TLE5: variants seen among roughly 807,000 people sequenced by gnomAD.
The protein encoded by TLE5 is TLE family member 5, transcriptional modulator.
TLE5 carries 7 observed loss-of-function variants against 25.8 expected under a neutral mutation model. That is an observed-to-expected ratio of 0.27 (90% CI 0.15 to 0.51). The LOEUF (loss-of-function observed/expected upper bound fraction) is 0.51. TLE5 is among the 20% of genes least tolerant of loss of function. The pLI, the probability that TLE5 is intolerant of heterozygous loss-of-function variation, is 0.97. For synonymous variants in TLE5, 132 were observed against 110.5 expected (o/e 1.20, Z -1.22); for missense variants, 149 against 250.7 (o/e 0.59, Z 2.74).
Position 3,053,586 on chromosome 19 carries a change from G to C in TLE5, c.*233C>G, listed in dbSNP as rs1599266436. On this transcript the variant is annotated 3_prime_UTR_variant, in exon 7 of 7. Transcript: ENST00000327141. ...TTAGCTTGCCTCACATGTCAGGGCA[G>C]GTATCCACCTAACCAGGCTGCAGGG... 3.4e-6 allele frequency: 2 copies of C among 590,314 alleles called. No individual in the cohort carries two copies. Among genetic ancestry groups the C allele is most frequent in the East Asian group, 5.7e-5 (2 of 35,228 alleles). The allele number at this position is 590,314 out of a possible 1,614,324, so 36.6% of individuals were successfully genotyped here. A position where few individuals can be genotyped will look rare whatever the true frequency, so the allele number is the denominator to read the frequency against.
At chr19:3,058,995 T>G (rs370398776) in intron 2 of TLE5, among the ~76,000 whole-genome samples, 1 of 151,744 alleles carries the variant, frequency 6.6e-6, no homozygotes, top group African/African-American at 2.4e-5. Context: ...CCTCGCAGGG[T>G]GGGGTGGAGA....
rs945033503 is a variant in TLE5, at chr19:3,059,226, CA to C, written c.126-1485del. On this transcript the variant is annotated intron_variant, in intron 2 of 6. Coordinates refer to ENST00000327141, the MANE Select transcript of TLE5 (RefSeq NM_001130.6). ...CTACCATTAAAAACAAAAACAAAAA[CA>C]AAAAAAAACCGGGGCTGGGTGCAGT... Among the ~76,000 whole-genome samples, 181 of 150,782 alleles carry C rather than the reference CA, an allele frequency of 1.2e-3. 1 individual carries two copies. The highest frequency in any genetic ancestry group is 4.0e-3 in the African/African-American group (166 of 41,144).
chr19:3,057,781 G>A (rs751713021), intron 2 of TLE5, 39 bp from the exon 3 acceptor site: 19 of 1,598,454 alleles, frequency 1.2e-5, no homozygotes, highest in Middle Eastern at 1.6e-4. Flanking sequence ...GGTTAGTGGC[G>A]GCTGGGCGGG....
At chr19:3,056,479 A>G in intron 3 of TLE5, 123 bp from the exon 4 acceptor site, 1 of 601,488 alleles carries the variant, frequency 1.7e-6, no homozygotes, top group Admixed American at 2.5e-5. Flanking sequence ...GAGACAGCTG[A>G]GGGCAGGAAA....
In TLE5 at chr19:3,054,585, C is replaced by A. The variant is rs557700697; in HGVS notation, c.298-391G>T. ...CACAACCTGCCCAACTGTACAGGGACGTCCTGATCCTAGGAGCTCCAAGAC... is the reference window on the plus strand; with the variant it reads ...CACAACCTGCCCAACTGTACAGGGAAGTCCTGATCCTAGGAGCTCCAAGAC... On this transcript the variant is annotated intron_variant, in intron 5 of 6. Coordinates refer to ENST00000327141, the MANE Select transcript of TLE5 (RefSeq NM_001130.6). 1.7e-5 allele frequency: 4 copies of A among 230,534 alleles called. No individual in the cohort carries two copies. In the Admixed American group the frequency reaches 2.0e-4, roughly 11 times the overall value. 14.3% of individuals were successfully genotyped at this position (230,534 alleles called of 1,614,324 possible).
At chr19:3,062,727 C>T (rs1184605304), upstream of TLE5, 1 of 1,536,950 alleles carries the variant, frequency 6.5e-7, no homozygotes, top group Non-Finnish European at 8.7e-7. Context: ...CTCGGTTTCC[C>T]CATCTGTCAA....
rs765110105 is a variant in TLE5, at chr19:3,061,517, C to T, written c.28-260G>A. The T allele has an allele frequency of 1.4e-5, 4 of 284,136 alleles. No homozygotes were observed. The Admixed American group carries it at 1.6e-4, about 11-fold the overall frequency. 17.6% of individuals were successfully genotyped at this position (284,136 alleles called of 1,614,324 possible). ...CAGTGGGGGTGCGTTTTAAGGCCCGCCCTAGATGGGGGGCAGGGTGCGCCC... is the reference window on the plus strand; with the variant it reads ...CAGTGGGGGTGCGTTTTAAGGCCCGTCCTAGATGGGGGGCAGGGTGCGCCC... On this transcript the variant is annotated intron_variant, in intron 1 of 6. Transcript: ENST00000327141.
chr19:3,062,840 G>T (rs748810315), upstream of TLE5: 17 of 1,540,184 alleles, frequency 1.1e-5, no homozygotes, highest in South Asian at 9.5e-5. Flanking sequence ...CTGGCTGGGC[G>T]GTGGTTCTTG....
chr19:3,062,229 G>A lies in TLE5; in HGVS notation c.-29C>T. 3.6e-6 allele frequency: 4 copies of A among 1,111,000 alleles called. No homozygotes were observed. The highest frequency in any genetic ancestry group is 3.3e-6 in the Non-Finnish European group (3 of 909,414). 68.8% of individuals were successfully genotyped at this position (1,111,000 alleles called of 1,614,324 possible). On this transcript the variant is annotated 5_prime_UTR_variant, in exon 1 of 7. Transcript: ENST00000327141. ...AATCGCGGCGGGGGGCGCGGGCTGCGCCCCGGCTGTGCGCCCCGGCTCGGG... is the reference window on the plus strand; with the variant it reads ...AATCGCGGCGGGGGGCGCGGGCTGCACCCCGGCTGTGCGCCCCGGCTCGGG...
chr19:3,054,856 G>A (rs2090203954), intron 5 of TLE5: 1 of 152,966 alleles, frequency 6.5e-6, no homozygotes. Flanking sequence ...GCTTTCATTG[G>A]GTCCTGCTAA....
At chr19:3,059,191 G>A (rs539207544) in intron 2 of TLE5, among the ~76,000 whole-genome samples, 1 of 152,166 alleles carries the variant, frequency 6.6e-6, no homozygotes, top group South Asian at 2.1e-4. Context: ...TTTAAAATGT[G>A]CATTTGTTGC....
intron 5 of TLE5, chr19:3,054,799 C>T (rs1363469047): frequency 6.4e-6 from 1 of 155,432 alleles, no homozygotes. Context: ...GCCTTGGCTA[C>T]CAGGAAGCCT....
At position 3,053,469 on chromosome 19, in the gene TLE5, C is replaced by T. The variant is rs912208513; in HGVS notation, c.*350G>A. The T allele has an allele frequency of 2.9e-6, 1 of 340,128 alleles. No individual in the cohort carries two copies. The allele number at this position is 340,128 out of a possible 1,614,324, so 21.1% of individuals were successfully genotyped here. A position where few individuals can be genotyped will look rare whatever the true frequency, so the allele number is the denominator to read the frequency against. Reference sequence around the variant, plus strand: ...TGTGGCCCAGGCAGACTGTCGGTTACACATGTTCAAAACGGGGGAAGGGCC... The same window carrying T: ...TGTGGCCCAGGCAGACTGTCGGTTATACATGTTCAAAACGGGGGAAGGGCC... On this transcript the variant is annotated 3_prime_UTR_variant, in exon 7 of 7. Transcript: ENST00000327141.
intron 2 of TLE5, among the ~76,000 whole-genome samples, chr19:3,059,727 C>T (rs1419736296): frequency 6.6e-6 from 1 of 152,144 alleles, no homozygotes; most frequent in Non-Finnish European, 1.5e-5. Context: ...GGGCTTCCGG[C>T]TTAGCAGAGG....
chr19:3,055,541 G>A, intron 5 of TLE5, 123 bp downstream of exon 5: 3 of 787,188 alleles, frequency 3.8e-6, no homozygotes, highest in Admixed American at 5.9e-5. Flanking sequence ...AGCCAGGGAG[G>A]TCCAGAGAGG....
At chr19:3,057,290 G>A (rs1336657766) in intron 3 of TLE5, 6 of 208,334 alleles carry the variant, frequency 2.9e-5, no homozygotes, top group Non-Finnish European at 5.9e-5. Flanking sequence ...CTTTGAGCTC[G>A]GGCCCAAAGG....
At chr19:3,054,086 T>TCGGGGGGGGGGCG in intron 6 of TLE5, 34 bp downstream of exon 6, 1 of 1,512,814 alleles carries the variant, frequency 6.6e-7, no homozygotes, top group Non-Finnish European at 8.9e-7. Context: ...GGCCCACCTG[T>TCGGGGGGGGGGCG]CCCCCGCCCA....
At position 3,062,309 on chromosome 19, in the gene TLE5, C is replaced by G; in HGVS notation, c.-109G>C. 1.0e-6 allele frequency: 1 copy of G among 979,954 alleles called. No homozygotes were observed. The highest frequency in any genetic ancestry group is 1.2e-6 in the Non-Finnish European group (1 of 828,024). 60.7% of individuals were successfully genotyped at this position (979,954 alleles called of 1,614,324 possible). On this transcript the variant is annotated 5_prime_UTR_variant, in exon 1 of 7. Coordinates refer to ENST00000327141, the MANE Select transcript of TLE5 (RefSeq NM_001130.6). ...TGTCCCGGCGCCGATCGGCAGCTCCCGGGGCCGCCGCCGCCTCCCGCGCCC... is the reference window on the plus strand; with the variant it reads ...TGTCCCGGCGCCGATCGGCAGCTCCGGGGGCCGCCGCCGCCTCCCGCGCCC...
At chr19:3,061,321 T>A (rs560445857) in intron 1 of TLE5, 64 bp from the exon 2 acceptor site, 233 of 1,325,200 alleles carry the variant, frequency 1.8e-4, no homozygotes, top group South Asian at 2.8e-4. Flanking sequence ...AAGGGCCGGC[T>A]AGGAGGGAGC....
Sources: gnomAD v4.1 joint callset for allele counts (sites outside exome capture counted in the v4.1 genomes callset) on GRCh38, gnomAD v4.1.1 for gene constraint, MANE v1.5 for transcripts, NCBI Gene and HGNC (gene_info 2026-07-23, HGNC 2026-07-21) for gene names.